Variants in DCDC1 observed in about 807,000 individuals in gnomAD.
DCDC1 encodes doublecortin domain containing 1.
DCDC1 carries 200 observed loss-of-function variants against 178.3 expected under a neutral mutation model. That is an observed-to-expected ratio of 1.12 (90% confidence interval 1.00 to 1.26). The LOEUF (loss-of-function observed/expected upper bound fraction) is 1.26. Ranked by LOEUF, DCDC1 falls within the 50% of genes most tolerant of loss-of-function variation. The pLI is 0.00. For synonymous variants in DCDC1, 690 were observed against 604.8 expected (o/e 1.14, Z -2.07); for missense variants, 1,983 against 1,749.2 (o/e 1.13, Z -2.38).
At chr11:30,950,982 T>A (rs1442986507) in intron 21 of DCDC1, among the ~76,000 whole-genome samples, 1 of 152,024 alleles carries the variant, frequency 6.6e-6, no homozygotes, top group Non-Finnish European at 1.5e-5. Context: ...TCTCATAAAT[T>A]ATGTATAAAT....
chr11:30,953,161 G>T (rs751787801), intron 20 of DCDC1, among the ~76,000 whole-genome samples: 12 of 150,438 alleles, frequency 8.0e-5, no homozygotes, highest in Middle Eastern at 7.2e-3. Context: ...AAATAAAAAT[G>T]GAATAAGTCA....
At chr11:30,935,462 G>C (rs1565096146) in intron 21 of DCDC1, among the ~76,000 whole-genome samples, 1 of 152,156 alleles carries the variant, frequency 6.6e-6, no homozygotes, top group Non-Finnish European at 1.5e-5. Context: ...GCCCCTGCCA[G>C]TTTCCATTTT....
At chr11:31,283,493 G>A (rs1946598832) in intron 7 of DCDC1, among the ~76,000 whole-genome samples, 1 of 150,922 alleles carries the variant, frequency 6.6e-6, no homozygotes, top group South Asian at 2.1e-4. Flanking sequence ...TTTAATACGT[G>A]AACATATTTA....
chr11:31,233,267 T>C (rs756048995), intron 9 of DCDC1, among the ~76,000 whole-genome samples: 7 of 152,172 alleles, frequency 4.6e-5, no homozygotes, highest in Admixed American at 1.3e-4. Flanking sequence ...CCATAATACA[T>C]AGAATCTGTA....
intron 20 of DCDC1, among the ~76,000 whole-genome samples, chr11:30,961,979 C>A (rs1949126488): frequency 6.6e-6 from 1 of 151,998 alleles, no homozygotes; most frequent in South Asian, 2.1e-4. Context: ...AGATGCACCG[C>A]TGAAACCTGA....
At chr11:31,092,293 C>T (rs1957865662) in intron 16 of DCDC1, among the ~76,000 whole-genome samples, 1 of 152,142 alleles carries the variant, frequency 6.6e-6, no homozygotes, top group East Asian at 1.9e-4. Context: ...ATGATGATGA[C>T]TGATGACTTA....
At chr11:31,277,380 T>A (rs908493467) in intron 7 of DCDC1, among the ~76,000 whole-genome samples, 1 of 152,162 alleles carries the variant, frequency 6.6e-6, no homozygotes, top group Non-Finnish European at 1.5e-5. Flanking sequence ...AAAACAACTA[T>A]GAACATTCAC....
chr11:30,964,580 TA>T (rs1949315307), intron 20 of DCDC1, among the ~76,000 whole-genome samples: 1 of 152,148 alleles, frequency 6.6e-6, no homozygotes, highest in Admixed American at 6.6e-5. Flanking sequence ...TCACTGATGA[TA>T]ACCAAGTACA....
chr11:30,944,565 G>A (rs273604), intron 21 of DCDC1, among the ~76,000 whole-genome samples: 108,111 of 152,020 alleles, frequency 0.71, 39,136 homozygotes, highest in African/African-American at 0.82. Flanking sequence ...AAAAAAATCA[G>A]TTGCTTGAAA....
chr11:30,937,004 C>G (rs558256189), intron 21 of DCDC1, among the ~76,000 whole-genome samples: 1 of 152,110 alleles, frequency 6.6e-6, no homozygotes, highest in East Asian at 1.9e-4. Flanking sequence ...CCAACCCACA[C>G]AAGGGGATTA....
At chr11:31,272,525 T>C (rs954010226) in intron 7 of DCDC1, among the ~76,000 whole-genome samples, 3 of 152,160 alleles carry the variant, frequency 2.0e-5, no homozygotes, top group Admixed American at 1.3e-4. Context: ...AGCAAGTTAA[T>C]TACTCTCTAG....
At chr11:31,073,047 C>A (rs1336040420) in intron 18 of DCDC1, among the ~76,000 whole-genome samples, 1 of 152,060 alleles carries the variant, frequency 6.6e-6, no homozygotes, top group African/African-American at 2.4e-5. Flanking sequence ...AAATTATCCT[C>A]CATTTTATCC....
chr11:30,878,868 T>C (rs935241397), intron 37 of DCDC1, among the ~76,000 whole-genome samples, 157 bp from the exon 38 acceptor site: 3 of 152,252 alleles, frequency 2.0e-5, no homozygotes, highest in Middle Eastern at 3.4e-3. Context: ...TCACATGAGA[T>C]ATATTGTTAA....
chr11:31,092,896 T>C (rs190007826), intron 16 of DCDC1, among the ~76,000 whole-genome samples: 432 of 152,302 alleles, frequency 2.8e-3, no homozygotes, highest in Middle Eastern at 0.017. Flanking sequence ...GTGTTTTATA[T>C]CACAATGAAA....
intron 2 of DCDC1, among the ~76,000 whole-genome samples, chr11:31,331,125 C>A (rs986764644): frequency 4.6e-5 from 7 of 152,060 alleles, no homozygotes; most frequent in Non-Finnish European, 8.8e-5. Context: ...AGCTGGATTC[C>A]TAGGTATTTT....
chr11:31,281,082 T>G, intron 7 of DCDC1: 1 of 440,224 alleles, frequency 2.3e-6, no homozygotes, highest in Non-Finnish European at 4.4e-6. Context: ...CACTAGCATA[T>G]AGAATTTCAC....
At chr11:31,213,211 G>A (rs1398675312) in intron 9 of DCDC1, among the ~76,000 whole-genome samples, 2 of 142,110 alleles carry the variant, frequency 1.4e-5, no homozygotes, top group South Asian at 2.3e-4. Flanking sequence ...AAAGGCATGT[G>A]GCTCTTCAGT....
intron 2 of DCDC1, among the ~76,000 whole-genome samples, chr11:31,332,082 T>C (rs185342842): frequency 6.6e-5 from 10 of 152,330 alleles, no homozygotes; most frequent in African/African-American, 2.4e-4. Flanking sequence ...ATTCAGAGAT[T>C]CAATTTCTTC....
chr11:31,187,421 C>G (rs1969635679), intron 9 of DCDC1, among the ~76,000 whole-genome samples: 1 of 152,074 alleles, frequency 6.6e-6, no homozygotes, highest in South Asian at 2.1e-4. Flanking sequence ...CTGGCAAGAT[C>G]AATGACAGGA....
Sources: allele counts gnomAD v4.1 joint callset (sites outside exome capture counted in the v4.1 genomes callset), GRCh38; gene constraint gnomAD v4.1.1; transcripts MANE v1.5; gene names NCBI Gene and HGNC (gene_info 2026-07-23, HGNC 2026-07-21).